The following NHS variants were observed in gnomAD, a reference collection of about 807,000 sequenced individuals.
NHS encodes the protein actin remodeling regulator NHS.
NHS carries 5 observed loss-of-function variants against 72.5 expected under a neutral mutation model. That is an observed-to-expected ratio of 0.07 (90% CI 0.04 to 0.14). The LOEUF is 0.14. NHS is among the 10% of genes least tolerant of loss of function. The probability of loss-of-function intolerance (pLI) is 1.00; values close to 1 mark genes in which losing one functional copy is unlikely to be tolerated. For synonymous variants in NHS, 464 were observed against 547.7 expected (o/e 0.85, Z 2.13); for missense variants, 1,072 against 1,355.7 (o/e 0.79, Z 3.29).
At chrX:17,723,726 GGTGTGTGTGTGTGTGT>G (rs3222310) in intron 5 of NHS, among the ~76,000 whole-genome samples, 3 of 71,075 alleles carry the variant, frequency 4.2e-5, no homozygotes, top group African/African-American at 5.9e-5. Context: ...CAGCAAAAGA[GGTGTGTGTGTGTGTGT>G]GTGTGTGTGT....
intron 1 of NHS, among the ~76,000 whole-genome samples, chrX:17,444,261 C>T (rs2064768965): frequency 8.9e-6 from 1 of 111,817 alleles, no homozygotes; most frequent in African/African-American, 3.3e-5. Flanking sequence ...AGGCTTCCTG[C>T]AGCTCCTGAC....
At chrX:17,406,177 A>G (rs761640075) in intron 1 of NHS, among the ~76,000 whole-genome samples, 2 of 111,945 alleles carry the variant, frequency 1.8e-5, no homozygotes, top group South Asian at 7.6e-4. Flanking sequence ...AAGAAAGCCA[A>G]GAGTTATTAT....
intron 1 of NHS, among the ~76,000 whole-genome samples, chrX:17,410,562 A>T (rs2064553113): frequency 2.0e-5 from 2 of 102,147 alleles, no homozygotes; most frequent in South Asian, 9.6e-4. Flanking sequence ...ACCAGTGAGT[A>T]AAGAAATCCG....
intron 1 of NHS, among the ~76,000 whole-genome samples, chrX:17,638,325 T>G (rs2065861435): frequency 8.9e-6 from 1 of 112,583 alleles, no homozygotes; most frequent in South Asian, 3.7e-4. Context: ...ATTTTACTGA[T>G]GTTCTGTATT....
intron 1 of NHS, among the ~76,000 whole-genome samples, chrX:17,536,658 C>G (rs1022784167): frequency 2.7e-5 from 3 of 112,351 alleles, no homozygotes; most frequent in African/African-American, 9.7e-5. Context: ...GTTAGAGGAA[C>G]CCAATAAATT....
intron 1 of NHS, among the ~76,000 whole-genome samples, chrX:17,501,050 G>A (rs2065034410): frequency 9.0e-6 from 1 of 111,615 alleles, no homozygotes; most frequent in Non-Finnish European, 1.9e-5. Flanking sequence ...ATAGACCAGA[G>A]CTAATAGCCC....
intron 1 of NHS, among the ~76,000 whole-genome samples, chrX:17,660,284 A>G (rs750887358): frequency 2.2e-4 from 25 of 112,317 alleles, no homozygotes; most frequent in Non-Finnish European, 4.5e-4. Flanking sequence ...TCTTTGTGAA[A>G]AGCAGCCGTG....
chrX:17,411,588 G>T (rs1422986603), intron 1 of NHS, among the ~76,000 whole-genome samples: 1 of 111,433 alleles, frequency 9.0e-6, no homozygotes, highest in African/African-American at 3.3e-5. Context: ...ACAGCAAAAG[G>T]CCTTACATTT....
intron 3 of NHS, among the ~76,000 whole-genome samples, chrX:17,716,953 C>T (rs1366528615): frequency 9.3e-6 from 1 of 107,476 alleles, no homozygotes. Context: ...CTTGAGCATT[C>T]CCCTTACTCT....
chrX:17,717,599 C>T (rs751206517), intron 3 of NHS, among the ~76,000 whole-genome samples: 1 of 112,560 alleles, frequency 8.9e-6, no homozygotes, highest in South Asian at 3.7e-4. Flanking sequence ...CCAGATTATT[C>T]TCCAGATAGG....
chrX:17,554,985 C>T (rs778785047), intron 1 of NHS, among the ~76,000 whole-genome samples: 9 of 110,804 alleles, frequency 8.1e-5, no homozygotes, highest in Non-Finnish European at 1.3e-4. Context: ...TTTCTCCTAA[C>T]GCTATCCCTC....
At position 17,725,826 on chromosome X, in the gene NHS, C is replaced by A. The variant is rs2066438713; in HGVS notation, c.1720C>A (p.His574Asn). The change falls in exon 7 of 9, where the codon CAC (histidine) becomes AAC (asparagine). Residue 574 changes from histidine (H) to asparagine (N), a missense_variant. His to Asn is a moderately conservative substitution (Grantham distance 68). Transcript: ENST00000676302. ...CTCTCAACATCTTCACAGCCCCCAGCACAAATTAAGTGAGAGGGGAAGGTC... is the reference window on the plus strand; with the variant it reads ...CTCTCAACATCTTCACAGCCCCCAGAACAAATTAAGTGAGAGGGGAAGGTC... ...ACSQHLHSPQHKLSERGRSRL... is the reference protein window; with the variant it reads ...ACSQHLHSPQNKLSERGRSRL... 2.5e-6 allele frequency: 3 copies of A among 1,211,681 alleles called. No homozygotes were observed. Among genetic ancestry groups the A allele is most frequent in the East Asian group, 5.9e-5 (2 of 33,836 alleles).
rs184058802 is a variant in NHS, at chrX:17,450,169, G to A, written c.565+73847G>A. On this transcript the variant is annotated intron_variant, in intron 1 of 8. Transcript: ENST00000676302. ...GGACCATTTCATGCTGGGACACTAC[G>A]TACCAGGATTCTCACTTTCATTGGC... is the stretch of plus-strand genomic sequence containing the variant. Among the ~76,000 whole-genome samples the A allele has an allele frequency of 1.3e-4, 14 of 111,565 alleles. 1 individual carries two copies. In the Admixed American group the frequency reaches 1.3e-3, roughly 11 times the overall value.
intron 1 of NHS, chrX:17,557,068 T>C (rs982835928): frequency 2.8e-5 from 3 of 106,052 alleles, no homozygotes; most frequent in African/African-American, 6.9e-5. Flanking sequence ...TATATATAGA[T>C]AGGTAAATAT....
At chrX:17,420,934 G>A (rs2064620129) in intron 1 of NHS, among the ~76,000 whole-genome samples, 1 of 110,792 alleles carries the variant, frequency 9.0e-6, no homozygotes, top group South Asian at 3.8e-4. Flanking sequence ...TTTTTATAAT[G>A]ATCTGTAATG....
At chrX:17,543,694 T>C (rs749593667) in intron 1 of NHS, among the ~76,000 whole-genome samples, 19 of 112,127 alleles carry the variant, frequency 1.7e-4, no homozygotes, top group East Asian at 2.8e-4. Context: ...TCAAAGACTA[T>C]TACTATCAAA....
At position 17,376,950 on chromosome X, in the gene NHS, CT is replaced by C. The variant is rs1474935124; in HGVS notation, c.565+630del. Reference sequence around the variant, plus strand: ...CTTCGTAGTGCTTCTGCCGAAAACCCTTGTGGCCCGGAGGGGCCGCGGGGAG... The same window carrying C: ...CTTCGTAGTGCTTCTGCCGAAAACCCTGTGGCCCGGAGGGGCCGCGGGGAG... On this transcript the variant is annotated intron_variant, in intron 1 of 8. Transcript: ENST00000676302. Among the ~76,000 whole-genome samples, 6 of 113,122 alleles carry C rather than the reference CT, an allele frequency of 5.3e-5. No homozygotes were observed. The South Asian group carries it at 2.2e-3, about 41-fold the overall frequency.
chrX:17,727,542 A>C lies in NHS; in HGVS notation c.3436A>C (p.Ile1146Leu). 2.5e-6 allele frequency: 3 copies of C among 1,212,108 alleles called. No homozygotes were observed. The highest frequency in any genetic ancestry group is 3.3e-6 in the Non-Finnish European group (3 of 895,615). The change falls in exon 7 of 9, where the codon ATC (isoleucine) becomes CTC (leucine). Residue 1146 changes from isoleucine (I) to leucine (L), a missense_variant. Transcript: ENST00000676302. ...CCTGAAATCTGTTAACCTTAGGTCC[A>C]TCAACAAGTCTGAAGAAGTTAAGCA... ...TILKSVNLRS[I>L]NKSEEVKQKE...
chrX:17,598,329 A>G (rs773819816), intron 1 of NHS, among the ~76,000 whole-genome samples: 13 of 112,366 alleles, frequency 1.2e-4, no homozygotes, highest in African/African-American at 3.9e-4. Context: ...CCAAGATAAT[A>G]TTTTTCCCTC....
Sources: gnomAD v4.1 joint callset for allele counts (sites outside exome capture counted in the v4.1 genomes callset) on GRCh38, gnomAD v4.1.1 for gene constraint, MANE v1.5 for transcripts, NCBI Gene and HGNC (gene_info 2026-07-23, HGNC 2026-07-21) for gene names.